The following CADPS2 variants were observed in gnomAD, a reference collection of about 807,000 sequenced individuals.
CADPS2 encodes calcium dependent secretion activator 2.
CADPS2 carries 93 observed loss-of-function variants against 172.5 expected under a neutral mutation model. That is an observed-to-expected ratio of 0.54 (90% CI 0.46 to 0.64). CADPS2 has a LOEUF of 0.64. CADPS2 is among the 30% of genes least tolerant of loss of function. The pLI is 0.00. For synonymous variants in CADPS2, 546 were observed against 555.2 expected, an observed-to-expected ratio of 0.98 and a Z score of 0.23; for missense variants, 1,420 against 1,565.9, an observed-to-expected ratio of 0.91 and a Z score of 1.57.
intron 1 of CADPS2, among the ~76,000 whole-genome samples, chr7:122,759,792 AACATT>A (rs2138686039): frequency 6.6e-6 from 1 of 152,250 alleles, no homozygotes; most frequent in South Asian, 2.1e-4. Context: ...ATTTGATTTT[AACATT>A]ACTTTGCCTA....
At chr7:122,637,092 C>G (rs1452850363) in intron 3 of CADPS2, among the ~76,000 whole-genome samples, 22 of 145,434 alleles carry the variant, frequency 1.5e-4, no homozygotes, top group Non-Finnish European at 1.5e-5. Context: ...ACTTGAAGAA[C>G]TTGTCTTTAA....
intron 20 of CADPS2, among the ~76,000 whole-genome samples, chr7:122,405,100 A>C (rs540945684): frequency 2.8e-4 from 43 of 152,128 alleles, no homozygotes; most frequent in African/African-American, 8.7e-4. Flanking sequence ...ACAAAACAAA[A>C]CAAACAAACA....
At chr7:122,860,861 TTAACA>T (rs781096603) in intron 1 of CADPS2, among the ~76,000 whole-genome samples, 2 of 152,186 alleles carry the variant, frequency 1.3e-5, no homozygotes, top group African/African-American at 2.4e-5. Context: ...TTTATTTCAC[TTAACA>T]TAACATCCTC....
chr7:122,662,334 A>C (rs2135350153), intron 3 of CADPS2, among the ~76,000 whole-genome samples: 1 of 152,164 alleles, frequency 6.6e-6, no homozygotes, highest in East Asian at 1.9e-4. Context: ...TGGGTCTAAA[A>C]AATGAAAAAT....
intron 3 of CADPS2, among the ~76,000 whole-genome samples, chr7:122,646,913 T>C (rs956418848): frequency 3.3e-5 from 5 of 152,096 alleles, no homozygotes; most frequent in Admixed American, 3.3e-4. Context: ...GAGTAGCAGA[T>C]AATGTAGTAT....
chr7:122,757,696 A>G (rs78657201), intron 1 of CADPS2, among the ~76,000 whole-genome samples: 1 of 149,588 alleles, frequency 6.7e-6, no homozygotes, highest in African/African-American at 2.5e-5. Context: ...TGAGTTTTTT[A>G]AAACAACTGA....
Position 122,357,822 on chromosome 7 carries a change from T to G in CADPS2, c.3504+2966A>C, listed in dbSNP as rs1241951241. Among the ~76,000 whole-genome samples, 3 of 152,196 alleles carry G rather than the reference T, an allele frequency of 2.0e-5. No individual in the cohort carries two copies. The East Asian group carries it at 5.8e-4, about 29-fold the overall frequency. ...ATGTGAGATGAGAGCTCTTTTCTTT[T>G]TGCTGAATAGAATTACATTGTATGG... is the stretch of plus-strand genomic sequence containing the variant. On this transcript the variant is annotated intron_variant, in intron 27 of 29. Coordinates refer to ENST00000449022, the MANE Select transcript of CADPS2 (RefSeq NM_017954.11).
intron 9 of CADPS2, among the ~76,000 whole-genome samples, chr7:122,499,154 G>A (rs887550212): frequency 6.6e-6 from 1 of 152,200 alleles, no homozygotes; most frequent in African/African-American, 2.4e-5. Flanking sequence ...CATATTCAGA[G>A]CTTCAGCTCA....
intron 8 of CADPS2, among the ~76,000 whole-genome samples, chr7:122,523,116 G>C (rs1331145889): frequency 1.3e-5 from 2 of 152,052 alleles, no homozygotes; most frequent in African/African-American, 4.8e-5. Flanking sequence ...TCACATGATA[G>C]TTCTATTTTT....
At chr7:122,761,020 A>G (rs1202696924) in intron 1 of CADPS2, among the ~76,000 whole-genome samples, 7 of 152,158 alleles carry the variant, frequency 4.6e-5, no homozygotes, top group Non-Finnish European at 1.0e-4. Context: ...CTGGCACTGT[A>G]TGGGTAAAAG....
At chr7:122,568,508 C>T (rs191661425) in intron 7 of CADPS2, among the ~76,000 whole-genome samples, 1 of 151,860 alleles carries the variant, frequency 6.6e-6, no homozygotes, top group Non-Finnish European at 1.5e-5. Context: ...ATATTTACAC[C>T]AAAGAGCTCA....
rs879351761 is a variant in CADPS2, at chr7:122,541,781, T to A, written c.1475+12769A>T. 1.9e-4 allele frequency among the ~76,000 whole-genome samples: 26 copies of A among 140,318 alleles called. No individual in the cohort carries two copies. In the Admixed American group the frequency reaches 1.9e-3, roughly 10 times the overall value. 92.1% of individuals were successfully genotyped at this position (140,318 alleles called of 152,430 possible). A position where few individuals can be genotyped will look rare whatever the true frequency, so the allele number is the denominator to read the frequency against. ...CATATATTTATATATTCACATATAT[T>A]CATATATTTATATATTCATATATAT... is the stretch of plus-strand genomic sequence containing the variant. On this transcript the variant is annotated intron_variant, in intron 8 of 29. Transcript: ENST00000449022.
chr7:122,418,953 T>C (rs531514022), intron 17 of CADPS2, among the ~76,000 whole-genome samples: 12 of 152,336 alleles, frequency 7.9e-5, no homozygotes, highest in Non-Finnish European at 1.3e-4. Flanking sequence ...GACAAACTGC[T>C]ACTCTGCTTC....
intron 15 of CADPS2, among the ~76,000 whole-genome samples, chr7:122,448,632 T>G (rs866743059): frequency 6.6e-6 from 1 of 152,138 alleles, no homozygotes; most frequent in African/African-American, 2.4e-5. Flanking sequence ...TGTGGGGAAT[T>G]GAAGTCCCTT....
At chr7:122,867,128 C>T (rs1406626626) in intron 1 of CADPS2, among the ~76,000 whole-genome samples, 2 of 152,222 alleles carry the variant, frequency 1.3e-5, no homozygotes, top group East Asian at 3.9e-4. Context: ...AGAGGCTTGC[C>T]CTGACCACCC....
chr7:122,625,528 G>A (rs1468615114), intron 4 of CADPS2, among the ~76,000 whole-genome samples: 1 of 152,162 alleles, frequency 6.6e-6, no homozygotes, highest in Non-Finnish European at 1.5e-5. Context: ...TCAGCTGAAG[G>A]ATTTATGACC....
intron 2 of CADPS2, among the ~76,000 whole-genome samples, chr7:122,716,133 T>C (rs1372776695): frequency 6.6e-6 from 1 of 152,170 alleles, no homozygotes; most frequent in Non-Finnish European, 1.5e-5. Flanking sequence ...TATACAATTA[T>C]AATTTGTCAA....
chr7:122,363,996 C>T (rs1043533166), intron 25 of CADPS2, among the ~76,000 whole-genome samples: 9 of 152,048 alleles, frequency 5.9e-5, no homozygotes, highest in African/African-American at 1.2e-4. Flanking sequence ...ATTTGGCAGA[C>T]GGCAGAAGGA....
rs183798439 is a variant in CADPS2 at position 122,669,564 on chromosome 7, T to C, written c.454-5995A>G. Among the ~76,000 whole-genome samples the C allele has an allele frequency of 5.8e-4, 88 of 151,856 alleles. No individual in the cohort carries two copies. In the Middle Eastern group the frequency reaches 0.017, roughly 30 times the overall value. On this transcript the variant is annotated intron_variant, in intron 2 of 29. Transcript: ENST00000449022. The stretch of plus-strand genomic sequence containing the variant: ...ATGAGCTCCAGAAGGAAATGGGCTT[T>C]CACATGAGGGAGGAAGAGTAACGAT...
Sources: allele counts gnomAD v4.1 joint callset (sites outside exome capture counted in the v4.1 genomes callset), GRCh38; gene constraint gnomAD v4.1.1; transcripts MANE v1.5; gene names NCBI Gene and HGNC (gene_info 2026-07-23, HGNC 2026-07-21).